The following DLGAP2 variants were observed in gnomAD, a reference collection of about 807,000 sequenced individuals.
DLGAP2 encodes DLG associated protein 2.
In DLGAP2, 26 loss-of-function variants were observed where a neutral mutation model predicts 100.3. That is an observed-to-expected ratio of 0.26 (90% CI 0.19 to 0.36). The LOEUF (loss-of-function observed/expected upper bound fraction) is 0.36, where lower values mean the gene tolerates loss of function less well. DLGAP2 is among the 10% of genes least tolerant of loss of function. The probability of loss-of-function intolerance (pLI) is 1.00; values close to 1 mark genes in which losing one functional copy is unlikely to be tolerated. For missense variants in DLGAP2, 1,858 were observed against 1,453.2 expected (o/e 1.28, Z -4.53); for synonymous variants, 886 against 630.1 (o/e 1.41, Z -6.08).
At chr8:882,398 C>G (rs1452804890) in intron 1 of DLGAP2, among the ~76,000 whole-genome samples, 28 of 149,076 alleles carry the variant, frequency 1.9e-4, no homozygotes, top group African/African-American at 4.5e-4. Context: ...GTACCTCTCC[C>G]TGCGGAGGCC....
intron 3 of DLGAP2, among the ~76,000 whole-genome samples, chr8:1,330,511 GGGGACTGAGTTCTGGGT>G (rs1801128471): frequency 1.5e-5 from 2 of 135,184 alleles, no homozygotes; most frequent in African/African-American, 2.8e-5. Flanking sequence ...ACCGCTTCAC[GGGGACTGAGTTCTGGGT>G]GGGACTGAGT....
chr8:1,678,266 C>G lies in DLGAP2; in HGVS notation c.2341C>G (p.Leu781Val). The change falls in exon 12 of 15, where the codon CTG (leucine) becomes GTG (valine). Residue 781 changes from leucine to valine, a missense_variant. By Grantham distance (32) the Leu-to-Val change is conservative. Coordinates refer to ENST00000637795, the MANE Select transcript of DLGAP2 (RefSeq NM_001346810.2). ...NSVTAAVQAD[L>V]ELEGFPGHIT... Reference sequence around the variant, plus strand: ...CGTCACGGCCGCCGTCCAAGCTGACCTGGAGCTGGAGGGGTTCCCAGGCCA... The same window carrying G: ...CGTCACGGCCGCCGTCCAAGCTGACGTGGAGCTGGAGGGGTTCCCAGGCCA... 2 of 1,613,898 alleles carry G rather than the reference C, an allele frequency of 1.2e-6. No homozygotes were observed. The highest frequency in any genetic ancestry group is 1.7e-6 in the Non-Finnish European group (2 of 1,179,848).
intron 2 of DLGAP2, among the ~76,000 whole-genome samples, chr8:1,253,920 T>C (rs1313499668): frequency 3.9e-5 from 6 of 152,194 alleles, no homozygotes; most frequent in Non-Finnish European, 7.3e-5. Flanking sequence ...TTTAAACATA[T>C]GTAACCTGTG....
intron 3 of DLGAP2, among the ~76,000 whole-genome samples, chr8:1,390,459 G>T (rs1371002310): frequency 6.6e-6 from 1 of 152,144 alleles, no homozygotes; most frequent in African/African-American, 2.4e-5. Context: ...ATCAGGGTTA[G>T]TTCCAGGCCC....
At chr8:1,300,141 G>C (rs17747701) in intron 3 of DLGAP2, 1 of 152,068 alleles carries the variant, frequency 6.6e-6, no homozygotes, top group Non-Finnish European at 1.5e-5. Context: ...TCAGCATATC[G>C]ATTTGTCAGG....
intron 4 of DLGAP2, among the ~76,000 whole-genome samples, chr8:1,506,598 G>C (rs761293989): frequency 4.0e-5 from 6 of 151,690 alleles, no homozygotes; most frequent in Non-Finnish European, 7.4e-5. Context: ...TGCCCAAGAC[G>C]ATCTCAGCAG....
chr8:1,062,210 C>T (rs922883648), intron 2 of DLGAP2, among the ~76,000 whole-genome samples: 1 of 152,122 alleles, frequency 6.6e-6, no homozygotes, highest in Non-Finnish European at 1.5e-5. Context: ...CACATGGAGT[C>T]GACTCCAGAT....
chr8:1,303,588 A>G (rs1800417680), intron 3 of DLGAP2, among the ~76,000 whole-genome samples: 1 of 152,012 alleles, frequency 6.6e-6, no homozygotes, highest in Non-Finnish European at 1.5e-5. Flanking sequence ...TTAAAGGTGT[A>G]ACTCTCTCTT....
At chr8:1,255,200 T>A (rs58783470) in intron 2 of DLGAP2, among the ~76,000 whole-genome samples, 3 of 98,500 alleles carry the variant, frequency 3.0e-5, no homozygotes, top group African/African-American at 1.1e-4. Flanking sequence ...CTGGGTGCTG[T>A]GTGTGTGCCC....
Position 1,703,436 on chromosome 8 carries a change from C to T in DLGAP2, c.*2030C>T, listed in dbSNP as rs1405107206. ...AATGACGCTTCTTCCTATATCCACT[C>T]TTATTATGTTAAAACAAATGTATTT... is the stretch of plus-strand genomic sequence containing the variant. On this transcript the variant is annotated 3_prime_UTR_variant, in exon 15 of 15. Coordinates refer to ENST00000637795, the MANE Select transcript of DLGAP2 (RefSeq NM_001346810.2). 1.3e-5 allele frequency: 2 copies of T among 152,612 alleles called. No individual in the cohort carries two copies. Among genetic ancestry groups the T allele is most frequent in the Non-Finnish European group, 2.9e-5 (2 of 68,038 alleles). The allele number at this position is 152,612 out of a possible 1,614,324, so 9.5% of individuals were successfully genotyped here. A position where few individuals can be genotyped will look rare whatever the true frequency, so the allele number is the denominator to read the frequency against.
intron 14 of DLGAP2, among the ~76,000 whole-genome samples, chr8:1,699,283 A>G (rs900077713): frequency 6.6e-6 from 1 of 152,120 alleles, no homozygotes; most frequent in African/African-American, 2.4e-5. Context: ...CATCCTGGCT[A>G]ACACGGTGAA....
chr8:1,223,992 A>G lies in DLGAP2; in HGVS notation c.74-34859A>G, dbSNP rs536809078. On this transcript the variant is annotated intron_variant, in intron 2 of 14. Transcript: ENST00000637795. ...TTTACCTTATTAATTTTGACTTCTCATTGTTTCCCCTTGATGTGGATTAAT... is the reference window on the plus strand; with the variant it reads ...TTTACCTTATTAATTTTGACTTCTCGTTGTTTCCCCTTGATGTGGATTAAT... 4.6e-5 allele frequency among the ~76,000 whole-genome samples: 7 copies of G among 152,266 alleles called. No individual in the cohort carries two copies. In the South Asian group the frequency reaches 1.2e-3, roughly 27 times the overall value.
chr8:1,291,556 C>T (rs1459792810), intron 3 of DLGAP2, among the ~76,000 whole-genome samples: 1 of 152,162 alleles, frequency 6.6e-6, no homozygotes, highest in Admixed American at 6.5e-5. Flanking sequence ...CGAAGCCCTG[C>T]CATTCCTAAT....
intron 3 of DLGAP2, among the ~76,000 whole-genome samples, chr8:1,442,568 C>T (rs933804572): frequency 6.3e-5 from 9 of 143,038 alleles, no homozygotes; most frequent in Admixed American, 4.9e-4. Flanking sequence ...GGCGTAGACC[C>T]GCCAGGCTGC....
chr8:983,279 A>C (rs1433231076), intron 2 of DLGAP2, among the ~76,000 whole-genome samples: 1 of 152,026 alleles, frequency 6.6e-6, no homozygotes, highest in African/African-American at 2.4e-5. Context: ...TGGAAGGTAC[A>C]GGTCGTCGAG....
At chr8:1,272,046 C>A (rs753105025) in intron 3 of DLGAP2, among the ~76,000 whole-genome samples, 13 of 152,134 alleles carry the variant, frequency 8.5e-5, no homozygotes, top group Non-Finnish European at 1.5e-4. Context: ...AAACTCCTGA[C>A]CTCAGGTGAT....
chr8:1,216,698 G>A (rs192265923), intron 2 of DLGAP2, among the ~76,000 whole-genome samples: 6 of 151,978 alleles, frequency 3.9e-5, no homozygotes, highest in East Asian at 1.9e-4. Context: ...TGCACTATAC[G>A]ATCTCATATT....
chr8:1,587,438 C>A (rs989364184), intron 6 of DLGAP2, among the ~76,000 whole-genome samples: 4 of 152,080 alleles, frequency 2.6e-5, no homozygotes, highest in African/African-American at 9.7e-5. Context: ...GCTTTTATTG[C>A]TATTTCTTCT....
intron 3 of DLGAP2, among the ~76,000 whole-genome samples, chr8:1,293,191 CTT>C (rs1268105547): frequency 2.0e-5 from 3 of 152,196 alleles, no homozygotes; most frequent in Admixed American, 6.5e-5. Context: ...CTTTCCATCT[CTT>C]TGTCTTTTTG....
Sources: gnomAD v4.1 joint callset for allele counts (sites outside exome capture counted in the v4.1 genomes callset) on GRCh38, gnomAD v4.1.1 for gene constraint, MANE v1.5 for transcripts, NCBI Gene and HGNC (gene_info 2026-07-23, HGNC 2026-07-21) for gene names.